CLOCK: variants seen among roughly 807,000 people sequenced by gnomAD.
CLOCK encodes circadian locomoter output cycles protein kaput.
A neutral mutation model predicts 118.4 loss-of-function variants in CLOCK; 43 were observed. That is an observed-to-expected ratio of 0.36 (90% confidence interval 0.28 to 0.47). The LOEUF (loss-of-function observed/expected upper bound fraction) is 0.47, where lower values mean the gene tolerates loss of function less well. Ranked by LOEUF, CLOCK falls within the 20% of genes least tolerant of loss-of-function variation. The pLI is 1.00. For missense variants in CLOCK, 846 were observed against 999.9 expected, an observed-to-expected ratio of 0.85 and a Z score of 2.08; for synonymous variants, 326 against 339.2, an observed-to-expected ratio of 0.96 and a Z score of 0.43.
chr4:55,531,318 A>T (rs7692737), intron 1 of CLOCK, among the ~76,000 whole-genome samples: 2,482 of 152,264 alleles, frequency 0.016, 64 homozygotes, highest in African/African-American at 0.058. Context: ...CAATAGATAT[A>T]ATTTGAAGTT....
At chr4:55,530,247 G>C (rs1730450380) in intron 1 of CLOCK, among the ~76,000 whole-genome samples, 1 of 151,982 alleles carries the variant, frequency 6.6e-6, no homozygotes, top group Non-Finnish European at 1.5e-5. Flanking sequence ...TGTGAGCGAG[G>C]GAAAGGATCA....
intron 5 of CLOCK, 120 bp downstream of exon 5, chr4:55,479,520 G>T: frequency 1.3e-6 from 1 of 778,828 alleles, no homozygotes; most frequent in Non-Finnish European, 2.2e-6. Context: ...CTTCCACCTT[G>T]CTAATATATC....
In CLOCK at chr4:55,456,292, G is replaced by A. The variant is rs765845554; in HGVS notation, c.801C>T (p.Cys267=). The A allele has an allele frequency of 1.9e-6, 3 of 1,572,952 alleles. No homozygotes were observed. Among genetic ancestry groups the A allele is most frequent in the Non-Finnish European group, 2.6e-6 (3 of 1,146,680 alleles). ...ACTCTTCATTGGGTTCTTCAACAGT[G>A]CACATTTCCTACAAATAAATAATTA... ...LATPQFIKEM[C]TVEEPNEEFT... Residue 267 remains cysteine, a synonymous_variant, in exon 12 of 23, where the codon TGC becomes TGT. Coordinates refer to ENST00000513440, the MANE Select transcript of CLOCK (RefSeq NM_004898.4).
intron 1 of CLOCK, among the ~76,000 whole-genome samples, chr4:55,511,788 C>A (rs1729163699): frequency 1.3e-5 from 2 of 152,132 alleles, no homozygotes; most frequent in South Asian, 2.1e-4. Context: ...AACCCCTACA[C>A]CACATTCATT....
chr4:55,449,942 C>G, intron 16 of CLOCK, 149 bp downstream of exon 16: 1 of 935,180 alleles, frequency 1.1e-6, no homozygotes, highest in Non-Finnish European at 1.6e-6. Flanking sequence ...TGGGCAATGT[C>G]CCTTTAACTC....
intron 1 of CLOCK, among the ~76,000 whole-genome samples, chr4:55,545,114 T>C (rs1268535606): frequency 6.6e-6 from 1 of 151,614 alleles, no homozygotes. Context: ...GTGCACAACG[T>C]GCAGGTTTGT....
chr4:55,447,312 C>T (rs973072858), intron 18 of CLOCK, among the ~76,000 whole-genome samples: 3 of 151,730 alleles, frequency 2.0e-5, no homozygotes, highest in Admixed American at 6.6e-5. Flanking sequence ...TGCAGTAAGC[C>T]GAGATTGCGC....
At chr4:55,517,666 C>T (rs989154875) in intron 1 of CLOCK, among the ~76,000 whole-genome samples, 3 of 152,100 alleles carry the variant, frequency 2.0e-5, no homozygotes, top group Admixed American at 6.6e-5. Context: ...GAAATGTTCC[C>T]TTCTCTTCTG....
At chr4:55,452,133 TG>T (rs1724513081) in intron 15 of CLOCK, 1 of 152,250 alleles carries the variant, frequency 6.6e-6, no homozygotes, top group African/African-American at 2.4e-5. Context: ...ATCTTGAGTG[TG>T]GGCTGGATCT....
chr4:55,439,728 A>C (rs574794115), intron 21 of CLOCK, among the ~76,000 whole-genome samples: 6 of 152,334 alleles, frequency 3.9e-5, no homozygotes, highest in Admixed American at 3.9e-4. Context: ...CCCTGAGAAC[A>C]TTATCCTAAG....
intron 2 of CLOCK, among the ~76,000 whole-genome samples, chr4:55,495,019 C>A (rs1337032189): frequency 6.6e-6 from 1 of 152,142 alleles, no homozygotes; most frequent in African/African-American, 2.4e-5. Flanking sequence ...TCTCGATAAA[C>A]CTGGCTCTCA....
intron 1 of CLOCK, among the ~76,000 whole-genome samples, chr4:55,534,184 A>G (rs1015407640): frequency 6.7e-6 from 1 of 150,244 alleles, no homozygotes; most frequent in Non-Finnish European, 1.5e-5. Context: ...GTGGAGCATC[A>G]GTGCAACAAT....
intron 4 of CLOCK, among the ~76,000 whole-genome samples, chr4:55,480,738 A>C (rs1726863033): frequency 6.6e-6 from 1 of 152,012 alleles, no homozygotes; most frequent in Admixed American, 6.5e-5. Context: ...AAAGATACAA[A>C]AACTTAGCCG....
At chr4:55,460,090 C>T (rs1725222055) in intron 9 of CLOCK, among the ~76,000 whole-genome samples, 1 of 152,186 alleles carries the variant, frequency 6.6e-6, no homozygotes, top group South Asian at 2.1e-4. Context: ...TTTCCCTTAA[C>T]TTCACACACT....
chr4:55,503,168 T>G (rs1274333388), intron 2 of CLOCK, among the ~76,000 whole-genome samples: 2 of 152,196 alleles, frequency 1.3e-5, no homozygotes, highest in African/African-American at 4.8e-5. Context: ...CAGAAATGTG[T>G]ACACATGTGG....
intron 7 of CLOCK, among the ~76,000 whole-genome samples, chr4:55,472,002 T>C (rs190265577): frequency 2.0e-5 from 3 of 152,188 alleles, no homozygotes; most frequent in African/African-American, 7.2e-5. Context: ...GCCCAGGAAG[T>C]TGAGGCTGCA....
chr4:55,440,580 CT>C (rs1406872422), intron 21 of CLOCK, among the ~76,000 whole-genome samples: 1 of 152,082 alleles, frequency 6.6e-6, no homozygotes, highest in Non-Finnish European at 1.5e-5. Context: ...CAACCAAATA[CT>C]TTAATGCAAA....
At chr4:55,526,349 A>G (rs1476534655) in intron 1 of CLOCK, among the ~76,000 whole-genome samples, 1 of 152,194 alleles carries the variant, frequency 6.6e-6, no homozygotes. Flanking sequence ...AGTAATGGTA[A>G]ATTTCACAAT....
At chr4:55,529,429 T>C (rs1560480712) in intron 1 of CLOCK, among the ~76,000 whole-genome samples, 2 of 152,028 alleles carry the variant, frequency 1.3e-5, no homozygotes. Flanking sequence ...CAAAGTACTG[T>C]TATTAAAGGC....
Sources: allele counts gnomAD v4.1 joint callset (sites outside exome capture counted in the v4.1 genomes callset), GRCh38; gene constraint gnomAD v4.1.1; transcripts MANE v1.5; gene names NCBI Gene and HGNC (gene_info 2026-07-23, HGNC 2026-07-21).